Variants in WWOX observed in about 807,000 individuals in gnomAD.
WWOX encodes WW domain-containing oxidoreductase.
In WWOX, 69 loss-of-function variants were observed where a neutral mutation model predicts 46.2. The observed-to-expected ratio is 1.49, with a 90% CI of 1.23 to 1.82. The LOEUF is 1.82. WWOX is among the 40% of genes most tolerant of loss of function. The pLI, the probability that WWOX is intolerant of heterozygous loss-of-function variation, is 0.00. For synonymous variants in WWOX, 359 were observed against 202.6 expected (o/e 1.77, Z -6.56); for missense variants, 919 against 542.6 (o/e 1.69, Z -6.89).
intron 8 of WWOX, among the ~76,000 whole-genome samples, chr16:78,894,936 C>G (rs755865380): frequency 1.3e-5 from 2 of 152,106 alleles, no homozygotes; most frequent in South Asian, 2.1e-4. Context: ...ATTCTTATTA[C>G]GATAGTTCCA....
At chr16:78,924,117 G>A (rs1297602087) in intron 8 of WWOX, among the ~76,000 whole-genome samples, 1 of 152,024 alleles carries the variant, frequency 6.6e-6, no homozygotes, top group Non-Finnish European at 1.5e-5. Context: ...GTGCCCGGCT[G>A]CTAGGAACTA....
rs563353784 is a variant in WWOX at position 78,217,711 on chromosome 16, A to G, written c.516+53422A>G. Among the ~76,000 whole-genome samples the G allele has an allele frequency of 2.5e-3, 373 of 152,228 alleles. 1 individual carries two copies. Among genetic ancestry groups the G allele is most frequent in the Middle Eastern group, 0.01 (3 of 294 alleles). ...GAGACGTTAAAGGCAAGATTCATGC[A>G]TTCTTTCAGCAGACAGTTTCTTCAC... On this transcript the variant is annotated intron_variant, in intron 5 of 8. Transcript: ENST00000566780.
chr16:78,147,681 T>TC (rs1214669833), intron 4 of WWOX, among the ~76,000 whole-genome samples: 1 of 109,310 alleles, frequency 9.1e-6, no homozygotes, highest in Non-Finnish European at 1.9e-5. Context: ...CTTCCTTTTT[T>TC]TTTTTTTTTT....
chr16:78,997,170 G>A (rs540147529), intron 8 of WWOX, among the ~76,000 whole-genome samples: 20 of 151,760 alleles, frequency 1.3e-4, no homozygotes, highest in African/African-American at 4.6e-4. Context: ...GCTATTTTCC[G>A]GGGGAAGAGG....
chr16:78,472,968 G>A (rs925759450), intron 8 of WWOX, among the ~76,000 whole-genome samples: 4 of 152,178 alleles, frequency 2.6e-5, no homozygotes, highest in African/African-American at 9.7e-5. Flanking sequence ...GGCCAAATCT[G>A]ATCTGCAGCC....
At chr16:78,710,320 A>G (rs948988855) in intron 8 of WWOX, among the ~76,000 whole-genome samples, 1 of 151,386 alleles carries the variant, frequency 6.6e-6, no homozygotes, top group Non-Finnish European at 1.5e-5. Flanking sequence ...AGTCTTCAAG[A>G]AATGCGGCAG....
rs1555524549 is a variant in WWOX at position 78,728,055 on chromosome 16, C to CTTCCTTTTTTTTTTTTTTTTTTTTTTTTT, written c.1056+295305_1056+295306insCCTTTTTTTTTTTTTTTTTTTTTTTTTTT. 2.3e-5 allele frequency among the ~76,000 whole-genome samples: 2 copies of CTTCCTTTTTTTTTTTTTTTTTTTTTTTTT among 86,806 alleles called. 1 individual carries two copies. The allele number at this position is 86,806 out of a possible 152,430, so 56.9% of individuals were successfully genotyped here. On this transcript the variant is annotated intron_variant, in intron 8 of 8. Transcript: ENST00000566780. ...TTCCTCTTTCCTCTCTCCCTCCTTC[C>CTTCCTTTTTTTTTTTTTTTTTTTTTTTTT]TTTTTTTTTTTTTTTTTTTTTTTTT...
intron 8 of WWOX, among the ~76,000 whole-genome samples, chr16:78,547,147 A>AAC (rs1555560714): frequency 0.034 from 4,755 of 139,262 alleles, 205 homozygotes; most frequent in East Asian, 0.053. Flanking sequence ...AAAAAAAAAA[A>AAC]AAAAAAAAAA....
rs143593275 is a variant in WWOX at position 78,297,489 on chromosome 16, T to C, written c.517-89371T>C. Among the ~76,000 whole-genome samples the C allele has an allele frequency of 4.2e-4, 64 of 152,322 alleles. 1 individual carries two copies. The highest frequency in any genetic ancestry group is 1.3e-3 in the African/African-American group (56 of 41,574). ...ATTTCCATTTGATGCCAAAAAAATA[T>C]GCCATTTAGTTTCTTCCTAAGAGGC... is the stretch of plus-strand genomic sequence containing the variant. On this transcript the variant is annotated intron_variant, in intron 5 of 8. Coordinates refer to ENST00000566780, the MANE Select transcript of WWOX (RefSeq NM_016373.4).
intron 8 of WWOX, among the ~76,000 whole-genome samples, chr16:79,158,546 C>T (rs1231132710): frequency 1.3e-5 from 2 of 152,204 alleles, no homozygotes; most frequent in African/African-American, 2.4e-5. Flanking sequence ...CTGACCCTTT[C>T]CACATATGCT....
At chr16:78,273,972 T>C (rs1344475538) in intron 5 of WWOX, among the ~76,000 whole-genome samples, 1 of 152,182 alleles carries the variant, frequency 6.6e-6, no homozygotes, top group African/African-American at 2.4e-5. Context: ...CCAGACACAA[T>C]TATATTGGCA....
At chr16:78,724,083 C>A (rs1410435780) in intron 8 of WWOX, among the ~76,000 whole-genome samples, 1 of 152,128 alleles carries the variant, frequency 6.6e-6, no homozygotes, top group African/African-American at 2.4e-5. Flanking sequence ...AACCTCTTTA[C>A]CTTGGCAAAA....
At chr16:79,146,987 A>C (rs2050193886) in intron 8 of WWOX, among the ~76,000 whole-genome samples, 1 of 152,230 alleles carries the variant, frequency 6.6e-6, no homozygotes, top group South Asian at 2.1e-4. Flanking sequence ...TCATATTCTT[A>C]GCTCAGTTTC....
chr16:78,148,331 G>C (rs11648242), intron 4 of WWOX, among the ~76,000 whole-genome samples: 23,202 of 152,146 alleles, frequency 0.15, 2,068 homozygotes, highest in East Asian at 0.22. Flanking sequence ...TGTGTCATTG[G>C]TTAGTTAACA....
At chr16:78,505,796 T>C (rs1230447062) in intron 8 of WWOX, among the ~76,000 whole-genome samples, 1 of 150,550 alleles carries the variant, frequency 6.6e-6, no homozygotes, top group Non-Finnish European at 1.5e-5. Context: ...CTGGCCCACA[T>C]ACTACACTTT....
In WWOX at chr16:78,780,505, T is replaced by C. The variant is rs559905807; in HGVS notation, c.1056+347753T>C. ...TCCGTGATGCGGGGGAAGAAGACAA[T>C]AGGCAAGTAAGCAAGTAAATATACA... On this transcript the variant is annotated intron_variant, in intron 8 of 8. Coordinates refer to ENST00000566780, the MANE Select transcript of WWOX (RefSeq NM_016373.4). 4 of 152,164 alleles carry C rather than the reference T, an allele frequency of 2.6e-5. No individual in the cohort carries two copies. In the East Asian group the frequency reaches 7.7e-4, roughly 29 times the overall value. 9.4% of individuals were successfully genotyped at this position (152,164 alleles called of 1,614,324 possible). A position where few individuals can be genotyped will look rare whatever the true frequency, so the allele number is the denominator to read the frequency against.
chr16:78,461,493 C>G lies in WWOX; in HGVS notation c.1056+28741C>G, dbSNP rs1244342071. ...TGTGTGCATAGGTGGGACTGCTGAT[C>G]TTGTTTTATGAAAGAAATAAAGGCA... On this transcript the variant is annotated intron_variant, in intron 8 of 8. Coordinates refer to ENST00000566780, the MANE Select transcript of WWOX (RefSeq NM_016373.4). 2.0e-5 allele frequency among the ~76,000 whole-genome samples: 3 copies of G among 152,202 alleles called. No homozygotes were observed. The East Asian group carries it at 5.8e-4, about 29-fold the overall frequency.
chr16:78,231,499 A>G (rs946892107), intron 5 of WWOX, among the ~76,000 whole-genome samples: 1 of 152,194 alleles, frequency 6.6e-6, no homozygotes, highest in African/African-American at 2.4e-5. Context: ...CCTGTTTTCC[A>G]TAATTGTGTA....
intron 5 of WWOX, among the ~76,000 whole-genome samples, chr16:78,334,833 TACACAC>T (rs907694061): frequency 9.6e-6 from 1 of 104,518 alleles, no homozygotes; most frequent in South Asian, 4.1e-4. Flanking sequence ...CACACACACA[TACACAC>T]ACACACACAC....
Sources: gnomAD v4.1 joint callset for allele counts (sites outside exome capture counted in the v4.1 genomes callset) on GRCh38, gnomAD v4.1.1 for gene constraint, MANE v1.5 for transcripts, NCBI Gene and HGNC (gene_info 2026-07-23, HGNC 2026-07-21) for gene names.